The following SLMAP variants were observed in gnomAD, a reference collection of about 807,000 sequenced individuals.
SLMAP encodes sarcolemmal membrane-associated protein.
Under a neutral mutation model 128.8 loss-of-function variants are expected in SLMAP, and 44 were observed. The observed-to-expected ratio is 0.34, with a 90% CI of 0.27 to 0.44. SLMAP has a LOEUF of 0.44. SLMAP is among the 20% of genes least tolerant of loss of function. The pLI is 1.00. For missense variants in SLMAP, 787 were observed against 985.3 expected (o/e 0.80, Z 2.69); for synonymous variants, 327 against 348.8 (o/e 0.94, Z 0.70).
At chr3:57,877,653 C>CA (rs1374353367) in intron 14 of SLMAP, among the ~76,000 whole-genome samples, 1 of 151,774 alleles carries the variant, frequency 6.6e-6, no homozygotes, top group African/African-American at 2.4e-5. Flanking sequence ...CACTTTCTAA[C>CA]ATATCTACCA....
intron 2 of SLMAP, among the ~76,000 whole-genome samples, chr3:57,827,586 G>C (rs996501838): frequency 6.6e-6 from 1 of 152,232 alleles, no homozygotes; most frequent in Non-Finnish European, 1.5e-5. Context: ...TGAAAGTGCT[G>C]CTGTTGAACT....
rs188734791 is a variant in SLMAP, at chr3:57,779,662, T to C, written c.198+21813T>C. 6.9e-4 allele frequency among the ~76,000 whole-genome samples: 105 copies of C among 152,274 alleles called. No individual in the cohort carries two copies. The Middle Eastern group carries it at 0.031, about 44-fold the overall frequency. ...AAAATAGCTAAATTTATATATTACA[T>C]GTTGCAAGATGTTTTAAATACTTTA... On this transcript the variant is annotated intron_variant, in intron 2 of 24. Transcript: ENST00000671191.
At chr3:57,917,342 C>G in intron 22 of SLMAP, 1 of 689,264 alleles carries the variant, frequency 1.5e-6, no homozygotes, top group Non-Finnish European at 2.1e-6. Flanking sequence ...ATGAGAAATC[C>G]TTTGTACCAG....
At chr3:57,869,659 T>TATATATATATATATATATATATATAA (rs1213782539) in intron 13 of SLMAP, among the ~76,000 whole-genome samples, 6 of 115,422 alleles carry the variant, frequency 5.2e-5, no homozygotes, top group African/African-American at 1.9e-4. Context: ...TATATATATA[T>TATATATATATATATATATATATATAA]AATATATATA....
At chr3:57,832,152 C>T (rs1369784659) in intron 3 of SLMAP, among the ~76,000 whole-genome samples, 3 of 152,154 alleles carry the variant, frequency 2.0e-5, no homozygotes, top group African/African-American at 7.2e-5. Flanking sequence ...ATGGGTAGAT[C>T]GCATACATAG....
At chr3:57,818,874 A>G (rs539345848) in intron 2 of SLMAP, among the ~76,000 whole-genome samples, 1 of 152,354 alleles carries the variant, frequency 6.6e-6, no homozygotes, top group African/African-American at 2.4e-5. Context: ...TCTATTACTA[A>G]ATTTCAGTTC....
intron 6 of SLMAP, among the ~76,000 whole-genome samples, chr3:57,854,290 ATC>A (rs1474228962): frequency 1.3e-4 from 19 of 146,936 alleles, no homozygotes; most frequent in African/African-American, 4.1e-4. Flanking sequence ...GAGTGAAGCA[ATC>A]TCTCTTTTTA....
chr3:57,813,649 G>A (rs1202957976), intron 2 of SLMAP, among the ~76,000 whole-genome samples: 4 of 152,126 alleles, frequency 2.6e-5, no homozygotes, highest in South Asian at 4.1e-4. Flanking sequence ...ATTTGTATTA[G>A]GTATTCTAAG....
At chr3:57,867,863 T>C (rs188993208) in intron 13 of SLMAP, among the ~76,000 whole-genome samples, 3 of 152,336 alleles carry the variant, frequency 2.0e-5, no homozygotes, top group African/African-American at 4.8e-5. Context: ...TTAAATATAA[T>C]GTAGCTACTA....
intron 18 of SLMAP, 72 bp from the exon 19 acceptor site, chr3:57,909,004 T>A: frequency 9.4e-7 from 1 of 1,066,216 alleles, no homozygotes; most frequent in East Asian, 2.4e-5. Context: ...AAAAGAAATT[T>A]TCAGCTGCTC....
chr3:57,924,282 G>T (rs1220799336), intron 23 of SLMAP, among the ~76,000 whole-genome samples: 1 of 151,932 alleles, frequency 6.6e-6, no homozygotes, highest in Non-Finnish European at 1.5e-5. Context: ...AACACTCATT[G>T]TAGCAGTTTT....
rs1559513032 is a variant in SLMAP at position 57,906,317 on chromosome 3, T to TTTTTTTTTTTG, written c.1502-1557_1502-1556insGTTTTTTTTTT. Among the ~76,000 whole-genome samples, 1,039 of 121,726 alleles carry TTTTTTTTTTTG rather than the reference T, an allele frequency of 8.5e-3. 51 individuals are homozygous for TTTTTTTTTTTG. The highest frequency in any genetic ancestry group is 0.031 in the African/African-American group (992 of 32,034). The allele number at this position is 121,726 out of a possible 152,430, so 79.9% of individuals were successfully genotyped here. ...ATTTTTTTCTTTTTTTTTCTTTTTT[T>TTTTTTTTTTTG]TTTTTTTTTTTTTTTAGAGACACAG... On this transcript the variant is annotated intron_variant, in intron 17 of 24. Transcript: ENST00000671191.
chr3:57,876,364 T>C (rs1368905213), intron 14 of SLMAP, among the ~76,000 whole-genome samples: 1 of 152,228 alleles, frequency 6.6e-6, no homozygotes, highest in African/African-American at 2.4e-5. Flanking sequence ...GAAAAACTTC[T>C]CTTTTCTAAG....
chr3:57,865,334 T>C, intron 13 of SLMAP, 42 bp downstream of exon 13: 1 of 842,716 alleles, frequency 1.2e-6, no homozygotes, highest in Non-Finnish European at 1.9e-6. Flanking sequence ...TTTTATGATA[T>C]CATTTTAGTA....
chr3:57,816,040 G>A (rs1296452080), intron 2 of SLMAP, among the ~76,000 whole-genome samples: 2 of 152,110 alleles, frequency 1.3e-5, no homozygotes, highest in Non-Finnish European at 2.9e-5. Flanking sequence ...TTTAAATATA[G>A]GTAAAGGGAG....
intron 14 of SLMAP, among the ~76,000 whole-genome samples, chr3:57,879,427 T>C (rs1370757298): frequency 6.6e-6 from 1 of 152,108 alleles, no homozygotes; most frequent in Non-Finnish European, 1.5e-5. Flanking sequence ...TCAAGAGTGT[T>C]CATAGCAGCA....
intron 2 of SLMAP, among the ~76,000 whole-genome samples, chr3:57,796,691 A>T (rs924538649): frequency 1.1e-4 from 17 of 152,244 alleles, no homozygotes; most frequent in African/African-American, 3.4e-4. Context: ...AGATGTGTGT[A>T]TAACAGTTTC....
At chr3:57,798,243 G>A (rs2087259660) in intron 2 of SLMAP, among the ~76,000 whole-genome samples, 1 of 152,006 alleles carries the variant, frequency 6.6e-6, no homozygotes, top group Admixed American at 6.6e-5. Flanking sequence ...GGTATTTTCA[G>A]GATTGCTGAA....
rs1009700982 is a variant in SLMAP at position 57,819,820 on chromosome 3, A to G, written c.199-11563A>G. On this transcript the variant is annotated intron_variant, in intron 2 of 24. Transcript: ENST00000671191. ...TAAGCCTGGGGTGCAGTGGTGCCTC[A>G]TAGCTCACTGCAGCCTCAAACTCCT... is the stretch of plus-strand genomic sequence containing the variant. 2.0e-5 allele frequency among the ~76,000 whole-genome samples: 3 copies of G among 152,090 alleles called. No individual in the cohort carries two copies. In the South Asian group the frequency reaches 6.2e-4, roughly 31 times the overall value.
Sources: allele counts gnomAD v4.1 joint callset (sites outside exome capture counted in the v4.1 genomes callset), GRCh38; gene constraint gnomAD v4.1.1; transcripts MANE v1.5; gene names NCBI Gene and HGNC (gene_info 2026-07-23, HGNC 2026-07-21).